GRIP1: variants seen among roughly 807,000 people sequenced by gnomAD.
GRIP1 encodes glutamate receptor interacting protein 1.
In GRIP1, 45 loss-of-function variants were observed where a neutral mutation model predicts 129.9. The observed-to-expected ratio is 0.35, with a 90% confidence interval of 0.27 to 0.44. GRIP1 has a LOEUF of 0.44. Among genes scored for constraint, GRIP1 ranks in the 20% least tolerant of loss-of-function variants. GRIP1 has a pLI of 1.00. For missense variants in GRIP1, 1,196 were observed against 1,396.8 expected, an observed-to-expected ratio of 0.86 and a Z score of 2.29; for synonymous variants, 530 against 520.8, an observed-to-expected ratio of 1.02 and a Z score of -0.24.
At position 67,032,412 on chromosome 12, in the gene GRIP1, A is replaced by C. The variant is rs1488124513; in HGVS notation, c.58+36638T>G. On this transcript the variant is annotated intron_variant, in intron 1 of 1. Transcript: ENST00000643019. ...TCTAATTTCCTTACTCTTACCTACA[A>C]TAATAGACCCTCTTTAATGTTGTTA... Among the ~76,000 whole-genome samples, 3 of 152,174 alleles carry C rather than the reference A, an allele frequency of 2.0e-5. No individual in the cohort carries two copies. The East Asian group carries it at 5.8e-4, about 29-fold the overall frequency.
chr12:66,488,365 T>C (rs1200010938), intron 7 of GRIP1, among the ~76,000 whole-genome samples: 2 of 152,212 alleles, frequency 1.3e-5, no homozygotes, highest in Admixed American at 1.3e-4. Flanking sequence ...AACCTGCTCC[T>C]GAGTGACCCT....
At chr12:66,990,878 C>T (rs1469602021) in intron 1 of GRIP1, among the ~76,000 whole-genome samples, 1 of 151,654 alleles carries the variant, frequency 6.6e-6, no homozygotes, top group East Asian at 1.9e-4. Context: ...CCTGTAATCC[C>T]AGCTACTTGG....
At chr12:66,678,628 C>T (rs2136271144) in intron 1 of GRIP1, among the ~76,000 whole-genome samples, 1 of 152,112 alleles carries the variant, frequency 6.6e-6, no homozygotes, top group Admixed American at 6.6e-5. Context: ...AAAAATCACA[C>T]AAGCTGCTTT....
intron 1 of GRIP1, among the ~76,000 whole-genome samples, chr12:66,910,323 G>A (rs1017181565): frequency 3.3e-5 from 5 of 152,174 alleles, no homozygotes; most frequent in African/African-American, 1.2e-4. Flanking sequence ...CTTCAGAGAT[G>A]AGCCTTCCCT....
intron 1 of GRIP1, among the ~76,000 whole-genome samples, chr12:66,795,820 T>C (rs1355017547): frequency 6.6e-6 from 1 of 152,046 alleles, no homozygotes; most frequent in Admixed American, 6.6e-5. Flanking sequence ...TCCTTGGACA[T>C]ACAAAAGCCA....
At position 66,994,394 on chromosome 12, in the gene GRIP1, G is replaced by A. The variant is rs985828594; in HGVS notation, c.58+74656C>T. On this transcript the variant is annotated intron_variant, in intron 1 of 1. Coordinates refer to the GRIP1 transcript ENST00000643019. ...TCAATAAAATAAACCACATGATAAT[G>A]TCAACAGATGCAGAAAAAGTATCTG... Among the ~76,000 whole-genome samples, 7 of 151,712 alleles carry A rather than the reference G, an allele frequency of 4.6e-5. No individual in the cohort carries two copies. In the East Asian group the frequency reaches 1.2e-3, roughly 25 times the overall value.
At chr12:67,022,851 C>T (rs187060740) in intron 1 of GRIP1, among the ~76,000 whole-genome samples, 6 of 152,254 alleles carry the variant, frequency 3.9e-5, no homozygotes, top group Non-Finnish European at 8.8e-5. Context: ...TCCACCCACA[C>T]TCCCTTCTCT....
chr12:66,442,221 T>G (rs1261179613), intron 13 of GRIP1, among the ~76,000 whole-genome samples: 1 of 152,176 alleles, frequency 6.6e-6, no homozygotes, highest in Non-Finnish European at 1.5e-5. Context: ...CCCCTCTAAC[T>G]CCATCACCAA....
At chr12:67,014,225 T>A (rs563253380) in intron 1 of GRIP1, among the ~76,000 whole-genome samples, 2 of 152,304 alleles carry the variant, frequency 1.3e-5, no homozygotes, top group East Asian at 3.9e-4. Flanking sequence ...GCTGTGACAA[T>A]TTCAGTTTGC....
At chr12:66,646,492 C>T (rs963039169) in intron 1 of GRIP1, among the ~76,000 whole-genome samples, 59 of 152,238 alleles carry the variant, frequency 3.9e-4, no homozygotes, top group South Asian at 3.1e-3. Context: ...GATGTGGTGG[C>T]GCGCACCTGC....
At chr12:66,375,921 G>A (rs943323703) in intron 22 of GRIP1, among the ~76,000 whole-genome samples, 1 of 152,190 alleles carries the variant, frequency 6.6e-6, no homozygotes, top group African/African-American at 2.4e-5. Context: ...GCAGGGCTAT[G>A]TTCAAGAATT....
At chr12:66,863,857 G>A (rs535416408) in intron 1 of GRIP1, among the ~76,000 whole-genome samples, 1 of 152,220 alleles carries the variant, frequency 6.6e-6, no homozygotes, top group Non-Finnish European at 1.5e-5. Context: ...TCTCCTCACA[G>A]ACCCATAGCA....
chr12:66,626,863 G>C (rs181964124), intron 1 of GRIP1: 2 of 152,536 alleles, frequency 1.3e-5, no homozygotes, highest in African/African-American at 4.8e-5. Context: ...CGAGAACTTG[G>C]CACTGATGCT....
Position 66,920,707 on chromosome 12 carries a change from A to C in GRIP1, c.58+148343T>G, listed in dbSNP as rs182311368. 1.4e-3 allele frequency among the ~76,000 whole-genome samples: 218 copies of C among 152,302 alleles called. 2 individuals carry two copies. The highest frequency in any genetic ancestry group is 3.7e-3 in the Admixed American group (56 of 15,300). ...ACATAAATCAGGCCCATAGCCCAAAAGGCTTTCCTTAAAACTTTATCATCT... is the reference window on the plus strand; with the variant it reads ...ACATAAATCAGGCCCATAGCCCAAACGGCTTTCCTTAAAACTTTATCATCT... On this transcript the variant is annotated intron_variant, in intron 1 of 1. Transcript: ENST00000643019.
chr12:66,439,840 T>C (rs1388539134), intron 13 of GRIP1, among the ~76,000 whole-genome samples: 6 of 152,216 alleles, frequency 3.9e-5, no homozygotes, highest in Admixed American at 3.9e-4. Context: ...CCTCAATCTC[T>C]GGCTCAATCT....
chr12:66,793,562 C>T (rs910260096), intron 1 of GRIP1, among the ~76,000 whole-genome samples: 7 of 152,176 alleles, frequency 4.6e-5, no homozygotes, highest in Middle Eastern at 3.2e-3. Context: ...ACATTCACCT[C>T]ATTACAAAAA....
intron 7 of GRIP1, among the ~76,000 whole-genome samples, chr12:66,479,352 T>C (rs913163591): frequency 1.3e-5 from 2 of 152,172 alleles, no homozygotes; most frequent in East Asian, 3.9e-4. Flanking sequence ...ATATATACCC[T>C]CCCAAGACTA....
intron 7 of GRIP1, among the ~76,000 whole-genome samples, chr12:66,506,565 T>C (rs1482376079): frequency 6.6e-6 from 1 of 152,130 alleles, no homozygotes; most frequent in Non-Finnish European, 1.5e-5. Context: ...GGGCTTTTGG[T>C]GATAATAATT....
upstream of GRIP1, among the ~76,000 whole-genome samples, chr12:66,808,072 G>A (rs2039031002): frequency 6.6e-6 from 1 of 151,844 alleles, no homozygotes; most frequent in East Asian, 2.0e-4. Context: ...TGTAGTTCAA[G>A]TCCATTCAAT....
Sources: allele counts gnomAD v4.1 joint callset (sites outside exome capture counted in the v4.1 genomes callset), GRCh38; gene constraint gnomAD v4.1.1; transcripts MANE v1.5; gene names NCBI Gene and HGNC (gene_info 2026-07-23, HGNC 2026-07-21).